MARVELD2: variants seen among roughly 807,000 people sequenced by gnomAD.
The protein encoded by MARVELD2 is MARVEL domain containing 2.
MARVELD2 carries 49 observed loss-of-function variants against 57.6 expected under a neutral mutation model. That is an observed-to-expected ratio of 0.85 (90% CI 0.68 to 1.08). MARVELD2 has a LOEUF of 1.08. Among genes scored for constraint, MARVELD2 ranks in the 50% least tolerant of loss-of-function variants. The probability of loss-of-function intolerance (pLI) is 0.00; values close to 1 mark genes in which losing one functional copy is unlikely to be tolerated. For missense variants in MARVELD2, 606 were observed against 701.1 expected (o/e 0.86, Z 1.53); for synonymous variants, 238 against 258.8 (o/e 0.92, Z 0.77).
intron 5 of MARVELD2, among the ~76,000 whole-genome samples, chr5:69,438,024 G>A (rs1459077951): frequency 6.6e-6 from 1 of 152,076 alleles, no homozygotes; most frequent in African/African-American, 2.4e-5. Flanking sequence ...CTTCTCCTTG[G>A]CCACAGGCTG....
intron 3 of MARVELD2, among the ~76,000 whole-genome samples, chr5:69,429,932 G>C (rs1355906662): frequency 6.6e-6 from 1 of 151,302 alleles, no homozygotes; most frequent in Non-Finnish European, 1.5e-5. Context: ...TTTGAGACAG[G>C]GTTTCACTCT....
At chr5:69,438,748 T>C (rs1454258437) in intron 5 of MARVELD2, among the ~76,000 whole-genome samples, 2 of 151,754 alleles carry the variant, frequency 1.3e-5, no homozygotes, top group Admixed American at 6.6e-5. Flanking sequence ...TAGCTGGGCG[T>C]AGTGGCAGGT....
chr5:69,424,119 C>T (rs953260456), intron 2 of MARVELD2, among the ~76,000 whole-genome samples: 7 of 152,080 alleles, frequency 4.6e-5, no homozygotes, highest in African/African-American at 1.7e-4. Flanking sequence ...CCTTTCTCAA[C>T]AAAAACTTAT....
intron 3 of MARVELD2, among the ~76,000 whole-genome samples, chr5:69,430,397 G>T (rs9686715): frequency 0.5 from 75,381 of 151,494 alleles, 18,734 homozygotes; most frequent in South Asian, 0.54. Flanking sequence ...AATTTTTTTT[G>T]TAGAGACAGC....
intron 3 of MARVELD2, among the ~76,000 whole-genome samples, chr5:69,425,078 A>G (rs6450039): frequency 0.85 from 127,993 of 149,798 alleles, 55,923 homozygotes; most frequent in Non-Finnish European, 0.95. Flanking sequence ...AAAATGATGA[A>G]TTCATGTCCT....
At chr5:69,423,896 TATTAA>T (rs1176618342) in intron 2 of MARVELD2, among the ~76,000 whole-genome samples, 1 of 152,240 alleles carries the variant, frequency 6.6e-6, no homozygotes, top group Non-Finnish European at 1.5e-5. Context: ...CCTTCACATG[TATTAA>T]ATTTTTGTTT....
intron 3 of MARVELD2, among the ~76,000 whole-genome samples, chr5:69,430,944 A>G (rs1766943845): frequency 6.6e-6 from 1 of 150,440 alleles, no homozygotes; most frequent in Admixed American, 6.6e-5. Flanking sequence ...TTTTTAAGAG[A>G]CAGGGTCTTG....
Position 69,424,625 on chromosome 5 carries a change from A to T in MARVELD2, c.1171A>T (p.Lys391Ter). Residue 391 changes from lysine to a stop codon, truncating the protein, a stop_gained, in exon 3 of 7, where the codon AAA becomes TAA. Coordinates refer to ENST00000325631, the MANE Select transcript of MARVELD2 (RefSeq NM_001038603.3). LOFTEE classifies it high-confidence loss of function. Reference protein sequence around the residue: ...QEINEPSLSSKRKMCEMATSG... With the variant: ...QEINEPSLSS Reference sequence around the variant, plus strand: ...GATAAATGAGCCATCATTGTCATCGAAAAGGAAAATGGTAAGAATAAAGTT... The same window carrying T: ...GATAAATGAGCCATCATTGTCATCGTAAAGGAAAATGGTAAGAATAAAGTT... 6.2e-7 allele frequency: 1 copy of T among 1,602,468 alleles called. No individual in the cohort carries two copies. The highest frequency in any genetic ancestry group is 8.6e-7 in the Non-Finnish European group (1 of 1,169,068).
intron 2 of MARVELD2, among the ~76,000 whole-genome samples, chr5:69,421,910 A>G (rs1390408289): frequency 6.6e-5 from 10 of 151,768 alleles, no homozygotes; most frequent in Non-Finnish European, 1.2e-4. Context: ...GCAGAAGAAC[A>G]TAAATTGTGA....
At chr5:69,417,253 C>A (rs1766458852) in intron 1 of MARVELD2, among the ~76,000 whole-genome samples, 1 of 152,190 alleles carries the variant, frequency 6.6e-6, no homozygotes, top group African/African-American at 2.4e-5. Context: ...TGGTAACATC[C>A]TGTCCCCATT....
At position 69,433,177 on chromosome 5, in the gene MARVELD2, T is replaced by C. The variant is rs548009039; in HGVS notation, c.1503+84T>C. The C allele has an allele frequency of 1.6e-3, 2,117 of 1,299,126 alleles. 29 individuals carry two copies. In the African/African-American group the frequency reaches 0.022, roughly 14 times the overall value. 80.5% of individuals were successfully genotyped at this position (1,299,126 alleles called of 1,614,324 possible). The stretch of plus-strand genomic sequence containing the variant: ...GCTTTTTTTTTTTTTTTTTTTTTTT[T>C]CTGTGAGACAGAGTCTTGTTCTGTT... On this transcript the variant is annotated intron_variant, in intron 5 of 6. Coordinates refer to ENST00000325631, the MANE Select transcript of MARVELD2 (RefSeq NM_001038603.3).
intron 5 of MARVELD2, among the ~76,000 whole-genome samples, chr5:69,433,297 G>A (rs933420979): frequency 2.0e-5 from 3 of 151,492 alleles, no homozygotes; most frequent in Non-Finnish European, 2.9e-5. Context: ...CGAGTAGCTG[G>A]GATTACAGGC....
At chr5:69,425,654 A>G (rs1374851228) in intron 3 of MARVELD2, among the ~76,000 whole-genome samples, 2 of 151,702 alleles carry the variant, frequency 1.3e-5, no homozygotes, top group East Asian at 1.9e-4. Flanking sequence ...TGTTCTTTGT[A>G]TCCTTCTCAC....
At chr5:69,417,759 T>C (rs1766474259) in intron 1 of MARVELD2, among the ~76,000 whole-genome samples, 2 of 151,822 alleles carry the variant, frequency 1.3e-5, no homozygotes, top group African/African-American at 4.8e-5. Context: ...CCGGCTAACA[T>C]GGTCCCCATC....
In MARVELD2 at chr5:69,416,760, G is replaced by A. The variant is rs564186866; in HGVS notation, c.-16+1590G>A. 3.3e-5 allele frequency among the ~76,000 whole-genome samples: 5 copies of A among 152,260 alleles called. No homozygotes were observed. The East Asian group carries it at 9.6e-4, about 29-fold the overall frequency. On this transcript the variant is annotated intron_variant, in intron 1 of 6. Coordinates refer to ENST00000325631, the MANE Select transcript of MARVELD2 (RefSeq NM_001038603.3). Reference sequence around the variant, plus strand: ...TCTATAATAAAAATTTTAAATACCTGTCTAGCATTTGACCTCTTCTCAAGA... The same window carrying A: ...TCTATAATAAAAATTTTAAATACCTATCTAGCATTTGACCTCTTCTCAAGA...
rs199708957 is a variant in MARVELD2, at chr5:69,441,637, G to A, written c.1660G>A (p.Val554Ile). Residue 554 changes from valine to isoleucine, a missense_variant, in exon 7 of 7, where the codon GTA becomes ATA. Physicochemically the swap from Val to Ile is conservative, Grantham distance 29. Coordinates refer to ENST00000325631, the MANE Select transcript of MARVELD2 (RefSeq NM_001038603.3). ...QEYDKVMNWDVQGYS is the reference protein window; with the variant it reads ...QEYDKVMNWDIQGYS Reference sequence around the variant, plus strand: ...ATATGATAAAGTAATGAATTGGGATGTACAAGGTTATTCTTAACGCTTATT... The same window carrying A: ...ATATGATAAAGTAATGAATTGGGATATACAAGGTTATTCTTAACGCTTATT... 6.3e-6 allele frequency: 10 copies of A among 1,577,832 alleles called. No homozygotes were observed. The highest frequency in any genetic ancestry group is 2.2e-5 in the South Asian group (2 of 89,808).
At chr5:69,429,118 A>T (rs920187256) in intron 3 of MARVELD2, among the ~76,000 whole-genome samples, 1 of 152,176 alleles carries the variant, frequency 6.6e-6, no homozygotes, top group Admixed American at 6.6e-5. Context: ...TTGGGAGACC[A>T]AGTGGCGAGG....
chr5:69,432,479 TTTC>T, intron 3 of MARVELD2, 45 bp from the exon 4 acceptor site: 1 of 1,600,412 alleles, frequency 6.2e-7, no homozygotes, highest in Non-Finnish European at 8.5e-7. Context: ...AGAGGGTTTT[TTTC>T]TACTTATGTT....
chr5:69,416,850 T>C (rs957412634), intron 1 of MARVELD2, among the ~76,000 whole-genome samples: 2 of 152,244 alleles, frequency 1.3e-5, no homozygotes, highest in African/African-American at 2.4e-5. Context: ...TCTTGCCTTC[T>C]GGAGTGTACT....
Sources: gnomAD v4.1 joint callset for allele counts (sites outside exome capture counted in the v4.1 genomes callset) on GRCh38, gnomAD v4.1.1 for gene constraint, MANE v1.5 for transcripts, NCBI Gene and HGNC (gene_info 2026-07-23, HGNC 2026-07-21) for gene names.